PCSK2: variants seen among roughly 807,000 people sequenced by gnomAD.
The protein encoded by PCSK2 is proprotein convertase subtilisin/kexin type 2, also known as neuroendocrine convertase 2.
Under a neutral mutation model 69.7 loss-of-function variants are expected in PCSK2, and 14 were observed. The observed-to-expected ratio is 0.20, with a 90% CI of 0.13 to 0.31. The LOEUF (loss-of-function observed/expected upper bound fraction) is 0.31. Among genes scored for constraint, PCSK2 ranks in the 10% least tolerant of loss-of-function variants. The probability of loss-of-function intolerance (pLI) is 1.00; values close to 1 mark genes in which losing one functional copy is unlikely to be tolerated. For synonymous variants in PCSK2, 307 were observed against 320.7 expected, an observed-to-expected ratio of 0.96 and a Z score of 0.46; for missense variants, 544 against 842.5, an observed-to-expected ratio of 0.65 and a Z score of 4.39.
chr20:17,417,221 CT>C (rs2032019212), intron 6 of PCSK2, among the ~76,000 whole-genome samples: 4 of 152,248 alleles, frequency 2.6e-5, no homozygotes, highest in Non-Finnish European at 5.9e-5. Context: ...AATGTCTTCT[CT>C]CTTAAATATT....
rs565048310 is a variant in PCSK2, at chr20:17,369,123, C to T, written c.506-117C>T. 4.8e-5 allele frequency: 39 copies of T among 814,054 alleles called. No individual in the cohort carries two copies. In the South Asian group the frequency reaches 5.3e-4, roughly 11 times the overall value. 50.4% of individuals were successfully genotyped at this position (814,054 alleles called of 1,614,324 possible). On this transcript the variant is annotated intron_variant, in intron 4 of 11. Coordinates refer to ENST00000262545, the MANE Select transcript of PCSK2 (RefSeq NM_002594.5). ...AGCTGTGTGATGGGGCACTCACCCC[C>T]ATGGCAAGCCTTCTGGCACCAGCCC...
chr20:17,459,344 C>T (rs573897698), intron 10 of PCSK2, among the ~76,000 whole-genome samples: 49 of 152,240 alleles, frequency 3.2e-4, no homozygotes, highest in African/African-American at 1.0e-3. Context: ...TGGATTGTTT[C>T]CATTTGGGGC....
chr20:17,391,965 A>AAAGG (rs2031392097), intron 5 of PCSK2, among the ~76,000 whole-genome samples: 1 of 70,278 alleles, frequency 1.4e-5, no homozygotes, highest in Non-Finnish European at 2.9e-5. Flanking sequence ...GGAAAGAAGG[A>AAAGG]AAGGAAGGAA....
chr20:17,410,534 A>G (rs967993261), intron 6 of PCSK2, among the ~76,000 whole-genome samples: 1 of 152,216 alleles, frequency 6.6e-6, no homozygotes, highest in African/African-American at 2.4e-5. Flanking sequence ...ATTTTGTAAT[A>G]TTTTGTAAAG....
chr20:17,268,062 T>TATATATATATATATAA (rs1403191827), intron 2 of PCSK2, among the ~76,000 whole-genome samples: 7 of 146,676 alleles, frequency 4.8e-5, no homozygotes, highest in African/African-American at 1.3e-4. Context: ...TATATATATA[T>TATATATATATATATAA]AATGCATTTA....
At chr20:17,308,512 C>G (rs1252326797) in intron 2 of PCSK2, among the ~76,000 whole-genome samples, 1 of 152,160 alleles carries the variant, frequency 6.6e-6, no homozygotes, top group Non-Finnish European at 1.5e-5. Flanking sequence ...AACAAATTCT[C>G]TGTGTTTTAG....
chr20:17,438,363 C>T (rs890902892), intron 8 of PCSK2, among the ~76,000 whole-genome samples: 1 of 152,060 alleles, frequency 6.6e-6, no homozygotes, highest in Non-Finnish European at 1.5e-5. Flanking sequence ...ATGTTTAACG[C>T]AGGCATAAAA....
chr20:17,231,025 G>C (rs191042986), intron 1 of PCSK2, among the ~76,000 whole-genome samples: 324 of 152,268 alleles, frequency 2.1e-3, no homozygotes, highest in Non-Finnish European at 3.4e-3. Context: ...TTCTCAAAAT[G>C]CTACTAATTT....
At chr20:17,289,802 T>C (rs1213411212) in intron 2 of PCSK2, among the ~76,000 whole-genome samples, 1 of 152,218 alleles carries the variant, frequency 6.6e-6, no homozygotes, top group South Asian at 2.1e-4. Flanking sequence ...ATGTTTTTCA[T>C]TGTATGGTTA....
intron 5 of PCSK2, among the ~76,000 whole-genome samples, chr20:17,374,245 T>C (rs1281710380): frequency 6.6e-6 from 1 of 152,104 alleles, no homozygotes; most frequent in Non-Finnish European, 1.5e-5. Flanking sequence ...GACATGACTG[T>C]CAGGTGAGGG....
chr20:17,253,146 T>C (rs964139528), intron 1 of PCSK2, among the ~76,000 whole-genome samples: 3 of 152,198 alleles, frequency 2.0e-5, no homozygotes, highest in Non-Finnish European at 4.4e-5. Context: ...AACTCTCATC[T>C]ATACAAACAG....
chr20:17,267,894 T>C (rs541563532), intron 2 of PCSK2, among the ~76,000 whole-genome samples: 4 of 152,060 alleles, frequency 2.6e-5, no homozygotes, highest in South Asian at 2.1e-4. Context: ...GAGTCTCTAA[T>C]GGTGGGCTAG....
chr20:17,332,800 C>A (rs191209571), intron 2 of PCSK2, among the ~76,000 whole-genome samples: 2 of 152,070 alleles, frequency 1.3e-5, no homozygotes, highest in East Asian at 3.9e-4. Flanking sequence ...TGGTTTTCAC[C>A]GTAGCATTTG....
intron 1 of PCSK2, among the ~76,000 whole-genome samples, chr20:17,232,826 G>A (rs1429256871): frequency 1.8e-4 from 27 of 152,160 alleles, no homozygotes; most frequent in Admixed American, 1.8e-3. Context: ...TTGATCATAA[G>A]CATTCCCTGA....
At chr20:17,260,067 G>A (rs1987318886) in intron 1 of PCSK2, among the ~76,000 whole-genome samples, 173 bp from the exon 2 acceptor site, 1 of 152,054 alleles carries the variant, frequency 6.6e-6, no homozygotes, top group Admixed American at 6.5e-5. Flanking sequence ...GAGAAGAGAA[G>A]GAGGACATTG....
intron 11 of PCSK2, among the ~76,000 whole-genome samples, chr20:17,475,379 C>A (rs1189722404): frequency 6.6e-6 from 1 of 151,854 alleles, no homozygotes; most frequent in Admixed American, 6.6e-5. Flanking sequence ...ACCAAAACAC[C>A]CTTAGCTGTG....
At chr20:17,388,812 T>C (rs2031301556) in intron 5 of PCSK2, among the ~76,000 whole-genome samples, 1 of 152,092 alleles carries the variant, frequency 6.6e-6, no homozygotes, top group Non-Finnish European at 1.5e-5. Flanking sequence ...ATGCTCGGAT[T>C]TTTCGCACAT....
At chr20:17,265,386 G>C (rs1987559752) in intron 2 of PCSK2, among the ~76,000 whole-genome samples, 1 of 152,078 alleles carries the variant, frequency 6.6e-6, no homozygotes, top group African/African-American at 2.4e-5. Flanking sequence ...AACTCTAAGA[G>C]GATAAGGTCT....
In PCSK2 at chr20:17,347,787, C is replaced by CGAAATAAAGAAAGAAAGAAAGAAA. The variant is rs1430705853; in HGVS notation, c.283-10536_283-10535insTAAAGAAAGAAAGAAAGAAAGAAA. On this transcript the variant is annotated intron_variant, in intron 2 of 11. Transcript: ENST00000262545. ...CTAAAACTGCTGAAAGACACATAGA[C>CGAAATAAAGAAAGAAAGAAAGAAA]GAAAGAAAGAAAGAAAGAAAGAAAG... Among the ~76,000 whole-genome samples the CGAAATAAAGAAAGAAAGAAAGAAA allele has an allele frequency of 1.0e-4, 5 of 48,562 alleles. 2 individuals are homozygous for CGAAATAAAGAAAGAAAGAAAGAAA. Among genetic ancestry groups the CGAAATAAAGAAAGAAAGAAAGAAA allele is most frequent in the Non-Finnish European group, 1.9e-4 (5 of 26,564 alleles). The allele number at this position is 48,562 out of a possible 152,430, so 31.9% of individuals were successfully genotyped here.
Sources: gnomAD v4.1 joint callset for allele counts (sites outside exome capture counted in the v4.1 genomes callset) on GRCh38, gnomAD v4.1.1 for gene constraint, MANE v1.5 for transcripts, NCBI Gene and HGNC (gene_info 2026-07-23, HGNC 2026-07-21) for gene names.